LAMA2: variants seen among roughly 807,000 people sequenced by gnomAD.
LAMA2 encodes the protein laminin subunit alpha 2, also known as laminin subunit alpha-2.
LAMA2 carries 269 observed loss-of-function variants against 364.8 expected under a neutral mutation model. The observed-to-expected ratio is 0.74, with a 90% CI of 0.67 to 0.82. The LOEUF (loss-of-function observed/expected upper bound fraction) is 0.82, where lower values mean the gene tolerates loss of function less well. Ranked by LOEUF, LAMA2 falls within the 40% of genes least tolerant of loss-of-function variation. The pLI is 0.00. For missense variants in LAMA2, 3,807 were observed against 3,873.2 expected (o/e 0.98, Z 0.45); for synonymous variants, 1,379 against 1,370.6 (o/e 1.01, Z -0.14).
At chr6:129,320,944 A>G (rs1038388349) in intron 28 of LAMA2, among the ~76,000 whole-genome samples, 1 of 152,210 alleles carries the variant, frequency 6.6e-6, no homozygotes, top group Admixed American at 6.5e-5. Flanking sequence ...ATTTTCTTGG[A>G]CCACTTCTGA....
chr6:129,170,808 T>C (rs1252808100), intron 9 of LAMA2, among the ~76,000 whole-genome samples: 2 of 150,280 alleles, frequency 1.3e-5, no homozygotes, highest in African/African-American at 4.9e-5. Context: ...TGTGGGAGTC[T>C]AAGTCTCTTT....
intron 3 of LAMA2, among the ~76,000 whole-genome samples, chr6:129,078,731 T>G (rs945782631): frequency 1.2e-4 from 19 of 152,294 alleles, no homozygotes; most frequent in African/African-American, 4.6e-4. Context: ...TCATCACCAT[T>G]CAGCTCTACA....
At chr6:129,197,418 T>C (rs1237098044) in intron 12 of LAMA2, among the ~76,000 whole-genome samples, 1 of 152,174 alleles carries the variant, frequency 6.6e-6, no homozygotes, top group East Asian at 1.9e-4. Context: ...TCAGGCAGAA[T>C]TTTACTCTTT....
intron 17 of LAMA2, among the ~76,000 whole-genome samples, chr6:129,275,636 G>A (rs1185854224): frequency 6.6e-6 from 1 of 151,318 alleles, no homozygotes; most frequent in South Asian, 2.1e-4. Context: ...ACTAGAGCAG[G>A]ATGAGAAAAC....
At chr6:129,173,269 C>A (rs1490991148) in intron 9 of LAMA2, among the ~76,000 whole-genome samples, 1 of 152,224 alleles carries the variant, frequency 6.6e-6, no homozygotes, top group Non-Finnish European at 1.5e-5. Context: ...ATCACCATTA[C>A]ATATTGCCTA....
intron 32 of LAMA2, among the ~76,000 whole-genome samples, chr6:129,363,664 C>A (rs1198313119): frequency 6.6e-6 from 1 of 152,238 alleles, no homozygotes; most frequent in Non-Finnish European, 1.5e-5. Flanking sequence ...AAAGCACATT[C>A]TCAGTCAGAG....
chr6:129,492,499 A>G lies in LAMA2; in HGVS notation c.8244+16A>G. The G allele has an allele frequency of 4.3e-6, 7 of 1,610,364 alleles. No homozygotes were observed. The highest frequency in any genetic ancestry group is 5.1e-6 in the Non-Finnish European group (6 of 1,176,746). On this transcript the variant is annotated intron_variant, in intron 58 of 64. Coordinates refer to ENST00000421865, the MANE Select transcript of LAMA2 (RefSeq NM_000426.4). ...TCTGACACATGTAAGTGTTTATATT[A>G]TCCCCATTGCTTTCTAATTTTTACC...
At chr6:128,923,014 G>A (rs1183777326) in intron 1 of LAMA2, among the ~76,000 whole-genome samples, 2 of 151,042 alleles carry the variant, frequency 1.3e-5, no homozygotes, top group East Asian at 1.9e-4. Context: ...AGATCAGATA[G>A]TTGTAGATAT....
chr6:129,226,970 A>G (rs905001943), intron 12 of LAMA2, among the ~76,000 whole-genome samples: 4 of 152,130 alleles, frequency 2.6e-5, no homozygotes, highest in African/African-American at 4.8e-5. Flanking sequence ...CATGTACCCA[A>G]TCAGGCATAG....
chr6:129,096,335 G>C (rs1433270712), intron 3 of LAMA2, among the ~76,000 whole-genome samples: 2 of 152,024 alleles, frequency 1.3e-5, no homozygotes, highest in African/African-American at 2.4e-5. Flanking sequence ...TTATTTAAAA[G>C]TAAAACATTT....
intron 35 of LAMA2, among the ~76,000 whole-genome samples, chr6:129,389,142 C>T (rs1779182685): frequency 6.6e-6 from 1 of 152,114 alleles, no homozygotes; most frequent in Non-Finnish European, 1.5e-5. Context: ...GGCAGTGGGT[C>T]AAGAAAGAGC....
chr6:128,963,057 T>C (rs528851449), intron 1 of LAMA2, among the ~76,000 whole-genome samples: 10 of 152,288 alleles, frequency 6.6e-5, no homozygotes, highest in African/African-American at 2.4e-4. Flanking sequence ...GACATGATTA[T>C]ATTGGGAGAA....
At chr6:129,282,709 T>G (rs1356350526) in intron 18 of LAMA2, among the ~76,000 whole-genome samples, 1 of 152,138 alleles carries the variant, frequency 6.6e-6, no homozygotes. Context: ...TTCATTCCAT[T>G]CTTAGAGGCA....
chr6:129,206,628 A>G (rs899138172), intron 12 of LAMA2, among the ~76,000 whole-genome samples: 1 of 152,206 alleles, frequency 6.6e-6, no homozygotes, highest in Non-Finnish European at 1.5e-5. Flanking sequence ...GAGGAAACAT[A>G]AAGCTTACAT....
intron 1 of LAMA2, among the ~76,000 whole-genome samples, chr6:129,014,793 T>G (rs911812243): frequency 3.3e-5 from 5 of 152,098 alleles, no homozygotes; most frequent in African/African-American, 1.2e-4. Context: ...ATGGTGGAAA[T>G]AGTGAACCTA....
intron 2 of LAMA2, 89 bp from the exon 3 acceptor site, chr6:129,059,695 A>T: frequency 1.3e-6 from 1 of 779,484 alleles, no homozygotes. Flanking sequence ...TGGTTGTTTT[A>T]ACCATTTTTT....
chr6:128,982,157 A>C (rs561822322), intron 1 of LAMA2, among the ~76,000 whole-genome samples: 2 of 152,348 alleles, frequency 1.3e-5, no homozygotes, highest in African/African-American at 4.8e-5. Flanking sequence ...TAACTCATAG[A>C]AATAACTGTT....
intron 30 of LAMA2, among the ~76,000 whole-genome samples, chr6:129,344,170 T>C (rs910552209): frequency 2.0e-5 from 3 of 152,122 alleles, no homozygotes; most frequent in Non-Finnish European, 4.4e-5. Flanking sequence ...TATCATAGAA[T>C]TGAGTATAAT....
intron 1 of LAMA2, among the ~76,000 whole-genome samples, chr6:129,035,109 T>C (rs529110881): frequency 6.6e-6 from 1 of 152,256 alleles, no homozygotes; most frequent in South Asian, 2.1e-4. Context: ...CAGCAGCGTA[T>C]AAGCATTCCC....
Sources: gnomAD v4.1 joint callset for allele counts (sites outside exome capture counted in the v4.1 genomes callset) on GRCh38, gnomAD v4.1.1 for gene constraint, MANE v1.5 for transcripts, NCBI Gene and HGNC (gene_info 2026-07-23, HGNC 2026-07-21) for gene names.